The following SYT1 variants were observed in gnomAD, a reference collection of about 807,000 sequenced individuals.
SYT1 encodes the protein synaptotagmin 1, also known as synaptotagmin-1.
A neutral mutation model predicts 44.8 loss-of-function variants in SYT1; 8 were observed. The ratio of observed to expected loss-of-function variants is 0.18; its 90% CI spans 0.10 to 0.32. The LOEUF (loss-of-function observed/expected upper bound fraction) is 0.32. SYT1 is among the 10% of genes least tolerant of loss of function. SYT1 has a pLI of 1.00. For synonymous variants in SYT1, 154 were observed against 188.8 expected, an observed-to-expected ratio of 0.82 and a Z score of 1.51; for missense variants, 286 against 509.3, an observed-to-expected ratio of 0.56 and a Z score of 4.22.
intron 3 of SYT1, among the ~76,000 whole-genome samples, chr12:79,179,551 A>C (rs36141500): frequency 4.5e-5 from 6 of 134,710 alleles, no homozygotes; most frequent in African/African-American, 8.5e-5. Flanking sequence ...ATAGAGATAT[A>C]GATATAGATT....
intron 1 of SYT1, among the ~76,000 whole-genome samples, chr12:78,930,456 A>G (rs1441482083): frequency 6.6e-6 from 1 of 151,974 alleles, no homozygotes; most frequent in Non-Finnish European, 1.5e-5. Context: ...AAGAAAAAGT[A>G]ACAAAGAAAA....
At chr12:78,976,263 A>G (rs990535457) in intron 1 of SYT1, among the ~76,000 whole-genome samples, 2 of 152,224 alleles carry the variant, frequency 1.3e-5, no homozygotes, top group African/African-American at 4.8e-5. Flanking sequence ...AAAATAGGCA[A>G]TTAATATTCA....
intron 4 of SYT1, among the ~76,000 whole-genome samples, chr12:79,275,072 G>A (rs564759439): frequency 6.6e-6 from 1 of 152,220 alleles, no homozygotes; most frequent in Non-Finnish European, 1.5e-5. Flanking sequence ...CTGACCCTAA[G>A]GGACTGCCAC....
At chr12:79,110,204 G>A (rs1437962508) in intron 3 of SYT1, among the ~76,000 whole-genome samples, 1 of 151,966 alleles carries the variant, frequency 6.6e-6, no homozygotes. Context: ...TATAAGCATA[G>A]CGTCCTACAC....
At chr12:79,392,943 A>G (rs1376115780) in intron 9 of SYT1, 1 of 151,510 alleles carries the variant, frequency 6.6e-6, no homozygotes, top group Non-Finnish European at 1.5e-5. Flanking sequence ...TCCTAACGCT[A>G]TCCCTCCCCA....
At chr12:79,245,232 G>A (rs573143918) in intron 4 of SYT1, among the ~76,000 whole-genome samples, 1 of 150,282 alleles carries the variant, frequency 6.7e-6, no homozygotes, top group Non-Finnish European at 1.5e-5. Context: ...TTGGAAGGCC[G>A]AGGCGGGCGG....
chr12:79,304,297 T>G (rs1050956232), intron 8 of SYT1, among the ~76,000 whole-genome samples: 2 of 152,182 alleles, frequency 1.3e-5, no homozygotes, highest in Admixed American at 6.5e-5. Context: ...TTAAAGTCCG[T>G]GTTAATAGTC....
intron 3 of SYT1, among the ~76,000 whole-genome samples, chr12:79,173,616 T>A (rs1299061309): frequency 6.6e-6 from 1 of 152,000 alleles, no homozygotes; most frequent in Non-Finnish European, 1.5e-5. Context: ...GATCAGGAAA[T>A]AATTCAGAGA....
At chr12:79,278,909 A>T (rs1197897118) in intron 4 of SYT1, among the ~76,000 whole-genome samples, 3 of 151,958 alleles carry the variant, frequency 2.0e-5, no homozygotes, top group South Asian at 4.1e-4. Flanking sequence ...ATCTAGAGGA[A>T]ATAGATAAAT....
chr12:78,949,832 C>A (rs1878869368), intron 1 of SYT1, among the ~76,000 whole-genome samples: 1 of 151,878 alleles, frequency 6.6e-6, no homozygotes, highest in Admixed American at 6.6e-5. Context: ...AAAGGACAAA[C>A]AGGAAAAATG....
chr12:79,203,318 T>C (rs1873906486), intron 3 of SYT1, among the ~76,000 whole-genome samples: 1 of 152,160 alleles, frequency 6.6e-6, no homozygotes, highest in Non-Finnish European at 1.5e-5. Context: ...TCTATCTGCC[T>C]TCCCTTTCAC....
At chr12:79,359,591 G>A (rs539683248) in intron 9 of SYT1, among the ~76,000 whole-genome samples, 7 of 152,242 alleles carry the variant, frequency 4.6e-5, no homozygotes, top group East Asian at 1.9e-4. Context: ...CAGGGGACTC[G>A]TGGTGATGAA....
chr12:79,172,454 A>G (rs1008254094), intron 3 of SYT1, among the ~76,000 whole-genome samples: 33 of 152,008 alleles, frequency 2.2e-4, no homozygotes, highest in Admixed American at 1.2e-3. Flanking sequence ...TTTATTGTCT[A>G]TTTAAAGACA....
chr12:79,435,812 A>G (rs1870055934), intron 9 of SYT1, among the ~76,000 whole-genome samples: 1 of 152,170 alleles, frequency 6.6e-6, no homozygotes, highest in African/African-American at 2.4e-5. Context: ...GTTTAGCAGA[A>G]TCCCTGGCCT....
chr12:78,945,451 A>G (rs1363045672), intron 1 of SYT1, among the ~76,000 whole-genome samples: 1 of 146,066 alleles, frequency 6.8e-6, no homozygotes, highest in African/African-American at 2.6e-5. Context: ...CATATTTTAC[A>G]TTTATATTAT....
At chr12:79,144,287 C>T (rs140993805) in intron 3 of SYT1, among the ~76,000 whole-genome samples, 1 of 152,308 alleles carries the variant, frequency 6.6e-6, no homozygotes, top group East Asian at 1.9e-4. Flanking sequence ...AAGGATTATG[C>T]ATTCAGCAGT....
At chr12:79,439,676 A>G (rs536598038) in intron 9 of SYT1, among the ~76,000 whole-genome samples, 1 of 152,278 alleles carries the variant, frequency 6.6e-6, no homozygotes, top group East Asian at 1.9e-4. Flanking sequence ...TGGTAACTCA[A>G]TTTAATTTTA....
intron 2 of SYT1, among the ~76,000 whole-genome samples, chr12:79,000,867 C>T (rs1870695750): frequency 6.6e-6 from 1 of 152,080 alleles, no homozygotes; most frequent in South Asian, 2.1e-4. Context: ...GATCAAATAC[C>T]TGTATATTCA....
chr12:79,137,530 A>G (rs773601062), intron 3 of SYT1, among the ~76,000 whole-genome samples: 3 of 152,244 alleles, frequency 2.0e-5, no homozygotes, highest in Non-Finnish European at 4.4e-5. Flanking sequence ...CTCCCAAGTC[A>G]TAAATTAGAA....
Sources: allele counts gnomAD v4.1 joint callset (sites outside exome capture counted in the v4.1 genomes callset), GRCh38; gene constraint gnomAD v4.1.1; transcripts MANE v1.5; gene names NCBI Gene and HGNC (gene_info 2026-07-23, HGNC 2026-07-21).